CAMTA1: variants seen among roughly 807,000 people sequenced by gnomAD.
CAMTA1 encodes the protein calmodulin-binding transcription activator 1.
In CAMTA1, 27 loss-of-function variants were observed where a neutral mutation model predicts 170.9. That is an observed-to-expected ratio of 0.16 (90% CI 0.12 to 0.22). The LOEUF (loss-of-function observed/expected upper bound fraction) is 0.22. CAMTA1 is among the 10% of genes least tolerant of loss of function. The probability of loss-of-function intolerance (pLI) is 1.00; values close to 1 mark genes in which losing one functional copy is unlikely to be tolerated. For synonymous variants in CAMTA1, 833 were observed against 891.5 expected, an observed-to-expected ratio of 0.93 and a Z score of 1.17; for missense variants, 1,619 against 2,217.2, an observed-to-expected ratio of 0.73 and a Z score of 5.42.
At chr1:7,019,760 G>A (rs549739591) in intron 3 of CAMTA1, among the ~76,000 whole-genome samples, 47 of 152,340 alleles carry the variant, frequency 3.1e-4, no homozygotes, top group African/African-American at 7.5e-4. Context: ...CCTTTGACCC[G>A]GAAATGTGAC....
intron 2 of CAMTA1, among the ~76,000 whole-genome samples, chr1:6,822,054 AT>A (rs976305412): frequency 1.4e-4 from 22 of 152,134 alleles, no homozygotes; most frequent in Non-Finnish European, 2.9e-4. Context: ...ATACACATAT[AT>A]TTTGTTAGAT....
At chr1:7,036,083 C>T (rs570801991) in intron 3 of CAMTA1, among the ~76,000 whole-genome samples, 1 of 152,230 alleles carries the variant, frequency 6.6e-6, no homozygotes, top group South Asian at 2.1e-4. Flanking sequence ...AAGATAGCAG[C>T]TGCCTCTGAG....
intron 3 of CAMTA1, among the ~76,000 whole-genome samples, chr1:6,867,257 A>AG (rs1293465014): frequency 1.3e-5 from 2 of 152,024 alleles, no homozygotes; most frequent in Admixed American, 1.3e-4. Context: ...TGATGTTTTT[A>AG]GGGAAAAAAA....
At chr1:6,892,608 T>G (rs1181406996) in intron 3 of CAMTA1, among the ~76,000 whole-genome samples, 1 of 151,402 alleles carries the variant, frequency 6.6e-6, no homozygotes, top group Non-Finnish European at 1.5e-5. Context: ...TTTTTTTTTT[T>G]TTTTTTGCAA....
At chr1:7,626,093 C>T (rs181404686) in intron 6 of CAMTA1, among the ~76,000 whole-genome samples, 139 of 152,328 alleles carry the variant, frequency 9.1e-4, no homozygotes, top group African/African-American at 3.2e-3. Context: ...AGTGATTACA[C>T]GTTATCTTGT....
intron 3 of CAMTA1, among the ~76,000 whole-genome samples, chr1:6,853,764 AC>A (rs1661261243): frequency 6.6e-6 from 1 of 152,204 alleles, no homozygotes; most frequent in Admixed American, 6.5e-5. Context: ...AAACTGGTGT[AC>A]CTTTATTAAC....
chr1:6,856,197 G>A (rs976523474), intron 3 of CAMTA1, among the ~76,000 whole-genome samples: 8 of 152,072 alleles, frequency 5.3e-5, no homozygotes, highest in Admixed American at 6.5e-5. Context: ...TGCGTTGCAG[G>A]AGCTGGACGC....
chr1:7,098,358 G>A (rs1312900523), intron 4 of CAMTA1, among the ~76,000 whole-genome samples: 1 of 152,258 alleles, frequency 6.6e-6, no homozygotes, highest in African/African-American at 2.4e-5. Context: ...GTGCGTGTCA[G>A]CATTTTTGTA....
chr1:7,361,338 C>T (rs975843004), intron 5 of CAMTA1, among the ~76,000 whole-genome samples: 7 of 152,148 alleles, frequency 4.6e-5, no homozygotes, highest in African/African-American at 1.7e-4. Flanking sequence ...AGATTTGGTC[C>T]CCAGTGTCAT....
rs200085638 is a variant in CAMTA1, at chr1:6,922,603, G to A, written c.234+97393G>A. Among the ~76,000 whole-genome samples the A allele has an allele frequency of 4.2e-4, 64 of 152,324 alleles. No homozygotes were observed. In the East Asian group the frequency reaches 5.0e-3, roughly 12 times the overall value. On this transcript the variant is annotated intron_variant, in intron 3 of 22. Transcript: ENST00000303635. The stretch of plus-strand genomic sequence containing the variant: ...TTCTCCCCTGGGGCCTCAAATGCAT[G>A]TCCTGAGAAAAGCCGGTGGATGCTG...
At chr1:7,718,366 C>T (rs545530332) in intron 11 of CAMTA1, among the ~76,000 whole-genome samples, 3 of 152,310 alleles carry the variant, frequency 2.0e-5, no homozygotes, top group South Asian at 2.1e-4. Context: ...AAACAAGCCG[C>T]TGGTGCTTAA....
intron 3 of CAMTA1, among the ~76,000 whole-genome samples, chr1:6,966,596 A>G (rs983174759): frequency 2.1e-5 from 3 of 144,850 alleles, no homozygotes; most frequent in African/African-American, 5.1e-5. Context: ...GATTTTCCCT[A>G]AACACTTTTG....
chr1:6,904,909 A>G (rs1571570318), intron 3 of CAMTA1, among the ~76,000 whole-genome samples: 2 of 151,644 alleles, frequency 1.3e-5, no homozygotes, highest in Non-Finnish European at 2.9e-5. Context: ...TTTGTTTCGT[A>G]TTGCACGCTG....
rs572785247 is a variant in CAMTA1, at chr1:7,002,506, A to G, written c.235-88798A>G. ...CCACCAGAATATCAGCATCCTTCTC[A>G]GTGTTGTTATTCACGGGGTCTAATA... On this transcript the variant is annotated intron_variant, in intron 3 of 22. Transcript: ENST00000303635. Among the ~76,000 whole-genome samples the G allele has an allele frequency of 1.5e-3, 230 of 152,320 alleles. 3 individuals carry two copies. Among genetic ancestry groups the G allele is most frequent in the Middle Eastern group, 6.8e-3 (2 of 294 alleles).
chr1:7,046,720 G>A (rs77370530), intron 3 of CAMTA1, among the ~76,000 whole-genome samples: 4,263 of 152,236 alleles, frequency 0.028, 192 homozygotes, highest in African/African-American at 0.098. Flanking sequence ...GTGAGTTTTG[G>A]ACTCATGTTC....
In CAMTA1 at chr1:6,918,800, C is replaced by T. The variant is rs907935475; in HGVS notation, c.234+93590C>T. ...CCCACCGCGTTCCCCCAGCCTGTCA[C>T]CCTGTGGCTGGAGGGTGGCTTGCTG... On this transcript the variant is annotated intron_variant, in intron 3 of 22. Coordinates refer to ENST00000303635, the MANE Select transcript of CAMTA1 (RefSeq NM_015215.4). This position sits in a 1 kb window ranked among gnomAD's most constrained non-coding sequence, Gnocchi z 4.0. Among the ~76,000 whole-genome samples, 1 of 152,194 alleles carries T rather than the reference C, an allele frequency of 6.6e-6. No homozygotes were observed. The highest frequency in any genetic ancestry group is 6.5e-5 in the Admixed American group (1 of 15,290).
intron 4 of CAMTA1, among the ~76,000 whole-genome samples, chr1:7,137,123 G>A (rs1336736617): frequency 1.3e-5 from 2 of 152,026 alleles, no homozygotes; most frequent in African/African-American, 2.4e-5. Flanking sequence ...AACCTGCCCC[G>A]GTGCCTGGGA....
At chr1:7,271,412 T>A (rs1291761616) in intron 5 of CAMTA1, among the ~76,000 whole-genome samples, 3 of 152,066 alleles carry the variant, frequency 2.0e-5, no homozygotes, top group Non-Finnish European at 2.9e-5. Context: ...TGTTATAGCG[T>A]CCTGAGCAGA....
chr1:7,319,235 A>G (rs1289748336), intron 5 of CAMTA1, among the ~76,000 whole-genome samples: 3 of 152,056 alleles, frequency 2.0e-5, no homozygotes, highest in Non-Finnish European at 4.4e-5. Context: ...AGATAGTGAT[A>G]TGGTTTGGAT....
Sources: gnomAD v4.1 joint callset for allele counts (sites outside exome capture counted in the v4.1 genomes callset) on GRCh38, gnomAD v4.1.1 for gene constraint, Gnocchi (gnomAD v3.1) non-coding constraint, MANE v1.5 for transcripts, NCBI Gene and HGNC (gene_info 2026-07-23, HGNC 2026-07-21) for gene names.